Variants in TAFA1 observed in about 807,000 individuals in gnomAD.
TAFA1 encodes the protein TAFA chemokine like family member 1, also known as chemokine-like protein TAFA-1.
Under a neutral mutation model 18.5 loss-of-function variants are expected in TAFA1, and 4 were observed. That is an observed-to-expected ratio of 0.22 (90% CI 0.11 to 0.49). TAFA1 has a LOEUF of 0.49. Ranked by LOEUF, TAFA1 falls within the 20% of genes least tolerant of loss-of-function variation. The probability of loss-of-function intolerance (pLI) is 0.98; values close to 1 mark genes in which losing one functional copy is unlikely to be tolerated. For missense variants in TAFA1, 147 were observed against 169.0 expected, an observed-to-expected ratio of 0.87 and a Z score of 0.72; for synonymous variants, 56 against 55.2, an observed-to-expected ratio of 1.01 and a Z score of -0.06.
chr3:68,465,351 C>A (rs1322972312), intron 3 of TAFA1, among the ~76,000 whole-genome samples: 1 of 152,072 alleles, frequency 6.6e-6, no homozygotes, highest in African/African-American at 2.4e-5. Context: ...TGTTGAGCAT[C>A]AAAACTATAT....
At chr3:68,354,500 C>G (rs2069327917) in intron 2 of TAFA1, among the ~76,000 whole-genome samples, 1 of 151,966 alleles carries the variant, frequency 6.6e-6, no homozygotes, top group Admixed American at 6.6e-5. Flanking sequence ...ATTACCATCA[C>G]TTGTTACCTC....
chr3:68,517,122 G>GA (rs1401391720), intron 3 of TAFA1, among the ~76,000 whole-genome samples: 1 of 152,038 alleles, frequency 6.6e-6, no homozygotes, highest in African/African-American at 2.4e-5. Flanking sequence ...CATTGAAGGA[G>GA]AAAATCTCAA....
chr3:68,474,056 C>T (rs560518136), intron 3 of TAFA1, among the ~76,000 whole-genome samples: 25 of 149,388 alleles, frequency 1.7e-4, no homozygotes, highest in Admixed American at 4.0e-4. Context: ...ATCACCCCCC[C>T]CCCCAAGTAA....
At chr3:68,516,131 CA>C (rs1348322063) in intron 3 of TAFA1, among the ~76,000 whole-genome samples, 1 of 152,152 alleles carries the variant, frequency 6.6e-6, no homozygotes, top group Admixed American at 6.6e-5. Flanking sequence ...TCTCACAATC[CA>C]AAGCAGTCAA....
At chr3:68,102,614 A>G (rs6804134) in intron 2 of TAFA1, among the ~76,000 whole-genome samples, 9 of 152,178 alleles carry the variant, frequency 5.9e-5, no homozygotes, top group African/African-American at 2.2e-4. Context: ...GCTGTTATAT[A>G]CTATGATTAT....
At chr3:68,121,277 G>A (rs911219809) in intron 2 of TAFA1, among the ~76,000 whole-genome samples, 2 of 151,676 alleles carry the variant, frequency 1.3e-5, no homozygotes, top group African/African-American at 4.8e-5. Flanking sequence ...GTGTGTGTGT[G>A]TGTGTGTGTG....
At chr3:68,450,159 A>G (rs2071548162) in intron 3 of TAFA1, among the ~76,000 whole-genome samples, 1 of 152,258 alleles carries the variant, frequency 6.6e-6, no homozygotes, top group Non-Finnish European at 1.5e-5. Flanking sequence ...TGGAGACAAT[A>G]TAACCATGGG....
At chr3:68,081,633 G>T (rs570187940) in intron 2 of TAFA1, among the ~76,000 whole-genome samples, 1 of 152,310 alleles carries the variant, frequency 6.6e-6, no homozygotes, top group Non-Finnish European at 1.5e-5. Flanking sequence ...TCGGGGGTCA[G>T]GGGTCAGGGA....
intron 2 of TAFA1, among the ~76,000 whole-genome samples, chr3:68,367,092 G>T (rs2069589468): frequency 1.3e-5 from 2 of 152,196 alleles, no homozygotes; most frequent in African/African-American, 4.8e-5. Flanking sequence ...TTATGGGGTG[G>T]TTGTGAGAAT....
rs142429075 is a variant in TAFA1, at chr3:68,157,280, G to A, written c.118+150536G>A. On this transcript the variant is annotated intron_variant, in intron 2 of 4. Transcript: ENST00000478136. ...GAGGTCAATGTTAAGTGGCAGGTAGGAAACTTTTATAGGTTCATGATCTTA... is the reference window on the plus strand; with the variant it reads ...GAGGTCAATGTTAAGTGGCAGGTAGAAAACTTTTATAGGTTCATGATCTTA... Among the ~76,000 whole-genome samples, 398 of 152,268 alleles carry A rather than the reference G, an allele frequency of 2.6e-3. 16 individuals are homozygous for A. In the East Asian group the frequency reaches 0.066, roughly 25 times the overall value.
chr3:68,185,711 A>G (rs1285002209), intron 2 of TAFA1, among the ~76,000 whole-genome samples: 1 of 151,920 alleles, frequency 6.6e-6, no homozygotes, highest in Non-Finnish European at 1.5e-5. Flanking sequence ...GGAGTTCCAG[A>G]CCAGCCTGGG....
intron 2 of TAFA1, among the ~76,000 whole-genome samples, chr3:68,160,618 T>G (rs1205230702): frequency 6.6e-6 from 1 of 152,232 alleles, no homozygotes; most frequent in African/African-American, 2.4e-5. Context: ...AAGTGTAACA[T>G]CTCCAAAACA....
At chr3:68,105,627 A>G (rs925019112) in intron 2 of TAFA1, among the ~76,000 whole-genome samples, 1 of 152,184 alleles carries the variant, frequency 6.6e-6, no homozygotes, top group Non-Finnish European at 1.5e-5. Flanking sequence ...CAGAATTAAA[A>G]TGGGAGAAGA....
At chr3:68,279,611 G>A (rs919468452) in intron 2 of TAFA1, among the ~76,000 whole-genome samples, 2 of 151,870 alleles carry the variant, frequency 1.3e-5, no homozygotes, top group African/African-American at 4.8e-5. Flanking sequence ...TCTCCTTCTC[G>A]GTATCCTCCT....
chr3:68,122,739 A>G (rs2065416181), intron 2 of TAFA1, among the ~76,000 whole-genome samples: 1 of 152,170 alleles, frequency 6.6e-6, no homozygotes. Flanking sequence ...ATTTATTTTT[A>G]TATGAAGATT....
At chr3:68,394,237 C>T (rs2070329066) in intron 2 of TAFA1, among the ~76,000 whole-genome samples, 1 of 152,114 alleles carries the variant, frequency 6.6e-6, no homozygotes, top group Non-Finnish European at 1.5e-5. Flanking sequence ...AGGAATACAA[C>T]TTACAAGGTG....
chr3:68,301,644 AT>A (rs374093706), intron 2 of TAFA1, among the ~76,000 whole-genome samples: 2,315 of 151,732 alleles, frequency 0.015, 58 homozygotes, highest in African/African-American at 0.052. Flanking sequence ...GAAAAGATGG[AT>A]TTTTTTTTAA....
chr3:68,052,901 C>T (rs1458048289), intron 2 of TAFA1, among the ~76,000 whole-genome samples: 1 of 152,150 alleles, frequency 6.6e-6, no homozygotes, highest in Non-Finnish European at 1.5e-5. Flanking sequence ...CAAATTAGAA[C>T]TGGATTTACA....
At chr3:68,483,351 C>T (rs2072272590) in intron 3 of TAFA1, among the ~76,000 whole-genome samples, 1 of 152,210 alleles carries the variant, frequency 6.6e-6, no homozygotes, top group Non-Finnish European at 1.5e-5. Flanking sequence ...GGGAATTAAT[C>T]ATAGACAATA....
Sources: allele counts gnomAD v4.1 joint callset (sites outside exome capture counted in the v4.1 genomes callset), GRCh38; gene constraint gnomAD v4.1.1; transcripts MANE v1.5; gene names NCBI Gene and HGNC (gene_info 2026-07-23, HGNC 2026-07-21).